Variants in THAP12 observed in about 807,000 individuals in gnomAD.
THAP12 encodes the protein 52 kDa repressor of the inhibitor of the protein kinase.
In THAP12, 20 loss-of-function variants were observed where a neutral mutation model predicts 63.0. The observed-to-expected ratio is 0.32, with a 90% CI of 0.22 to 0.46. The LOEUF (loss-of-function observed/expected upper bound fraction) is 0.46. Ranked by LOEUF, THAP12 falls within the 20% of genes least tolerant of loss-of-function variation. The pLI is 1.00. For synonymous variants in THAP12, 264 were observed against 328.4 expected (o/e 0.80, Z 2.12); for missense variants, 568 against 908.2 (o/e 0.63, Z 4.81).
intron 4 of THAP12, among the ~76,000 whole-genome samples, chr11:76,354,459 CA>C (rs1213239658): frequency 7.2e-5 from 11 of 152,130 alleles, no homozygotes; most frequent in Non-Finnish European, 1.2e-4. Flanking sequence ...TTATTTTTTT[CA>C]AAAAGAAGTT....
intron 2 of THAP12, chr11:76,364,221 C>T: frequency 5.7e-6 from 1 of 175,658 alleles, no homozygotes; most frequent in Non-Finnish European, 1.2e-5. Context: ...AAGTAGTTTG[C>T]CTTTTAAACA....
chr11:76,361,231 G>T, intron 2 of THAP12, 168 bp from the exon 3 acceptor site: 1 of 498,370 alleles, frequency 2.0e-6, no homozygotes, highest in South Asian at 3.4e-5. Context: ...TTCCAACTGT[G>T]CCTGCATTTG....
intron 1 of THAP12, among the ~76,000 whole-genome samples, chr11:76,367,086 T>C (rs577808213): frequency 3.3e-4 from 50 of 152,178 alleles, no homozygotes; most frequent in Non-Finnish European, 4.6e-4. Context: ...CTTTTCTTTT[T>C]TTTTTTTGAG....
rs1390884184 is a variant in THAP12 at position 76,372,442 on chromosome 11, A to G, written c.90-6470T>C. Among the ~76,000 whole-genome samples the G allele has an allele frequency of 2.0e-5, 3 of 151,790 alleles. No homozygotes were observed. In the East Asian group the frequency reaches 5.9e-4, roughly 30 times the overall value. ...AAAGAGAGAGAGAGACAGGGCCTCAATCTGTCGCCCAGGCTGTAGCACACT... is the reference window on the plus strand; with the variant it reads ...AAAGAGAGAGAGAGACAGGGCCTCAGTCTGTCGCCCAGGCTGTAGCACACT... On this transcript the variant is annotated intron_variant, in intron 1 of 4. Transcript: ENST00000260045.
chr11:76,362,814 CAG>C (rs774618250), intron 2 of THAP12, among the ~76,000 whole-genome samples: 8 of 151,986 alleles, frequency 5.3e-5, no homozygotes, highest in Non-Finnish European at 8.8e-5. Context: ...GATCAGAAAA[CAG>C]AATGTATGAA....
rs760590679 is a variant in THAP12, at chr11:76,351,023, C to T, written c.2127G>A (p.Arg709=). 5.6e-6 allele frequency: 9 copies of T among 1,611,960 alleles called. No homozygotes were observed. The highest frequency in any genetic ancestry group is 2.3e-4 in the Middle Eastern group (1 of 4,430). The part of the protein sequence containing the change: ...NGRKRLKAYL[R]NTLTDQRSSN... ...TTGACCTTTGGTCTGTCAAAGTGTT[C>T]CTCAAATATGCTTTAAGACGCTTTC... The change falls in exon 5 of 5, where the codon AGG becomes AGA. Residue 709 remains arginine, a synonymous_variant. Coordinates refer to ENST00000260045, the MANE Select transcript of THAP12 (RefSeq NM_004705.4).
intron 1 of THAP12, among the ~76,000 whole-genome samples, chr11:76,369,820 C>T (rs1205478511): frequency 6.6e-6 from 1 of 152,248 alleles, no homozygotes; most frequent in Admixed American, 6.5e-5. Context: ...CTCTGGGTGA[C>T]CCCCTCATGG....
At chr11:76,366,261 A>T (rs1479452357) in intron 1 of THAP12, among the ~76,000 whole-genome samples, 1 of 152,204 alleles carries the variant, frequency 6.6e-6, no homozygotes, top group African/African-American at 2.4e-5. Context: ...CTCCCAAAAC[A>T]TCAGAGAAGA....
intron 3 of THAP12, among the ~76,000 whole-genome samples, chr11:76,359,816 C>A (rs1464004805): frequency 6.8e-6 from 1 of 148,124 alleles, no homozygotes; most frequent in African/African-American, 2.5e-5. Context: ...GAGAGTGAGA[C>A]TCTGTCTCGG....
chr11:76,363,151 AT>A (rs1479581613), intron 2 of THAP12, among the ~76,000 whole-genome samples: 1 of 152,010 alleles, frequency 6.6e-6, no homozygotes, highest in Non-Finnish European at 1.5e-5. Flanking sequence ...TCAAAAAAAA[AT>A]AATAATAATA....
Position 76,351,601 on chromosome 11 carries a change from C to A in THAP12, c.1549G>T (p.Val517Leu), listed in dbSNP as rs751677865. 1 of 1,587,456 alleles carries A rather than the reference C, an allele frequency of 6.3e-7. No individual in the cohort carries two copies. The highest frequency in any genetic ancestry group is 8.6e-7 in the Non-Finnish European group (1 of 1,164,122). The change falls in exon 5 of 5, where the codon GTA (valine) becomes TTA (leucine). Residue 517 changes from valine to leucine, a missense_variant. Coordinates refer to ENST00000260045, the MANE Select transcript of THAP12 (RefSeq NM_004705.4). Reference protein sequence around the residue: ...VFFAAGSLTAVLHSLNEVMEN... With the variant: ...VFFAAGSLTALLHSLNEVMEN... ...ATCACTTCGTTGAGTGAATGCAGTA[C>A]TGCAGTCAAGCTACCGGCCGCAAAG...
In THAP12 at chr11:76,351,663, A is replaced by G; in HGVS notation, c.1487T>C (p.Phe496Ser). 1 of 1,581,246 alleles carries G rather than the reference A, an allele frequency of 6.3e-7. No homozygotes were observed. Among genetic ancestry groups the G allele is most frequent in the Non-Finnish European group, 8.6e-7 (1 of 1,163,676 alleles). The change falls in exon 5 of 5, where the codon TTT becomes TCT. Residue 496 changes from phenylalanine (F) to serine (S), a missense_variant. Phe to Ser is a radical substitution (Grantham distance 155, BLOSUM62 -2). Transcript: ENST00000260045. ...LKNVLSFTRA[F>S]GKNLQGQTSD... Reference sequence around the variant, plus strand: ...GGTTTGCCCCTGGAGGTTTTTCCCAAAGGCTCTTGTAAAAGATAGGACATT... The same window carrying G: ...GGTTTGCCCCTGGAGGTTTTTCCCAGAGGCTCTTGTAAAAGATAGGACATT...
At chr11:76,360,117 T>C (rs1393374092) in intron 3 of THAP12, among the ~76,000 whole-genome samples, 1 of 152,176 alleles carries the variant, frequency 6.6e-6, no homozygotes, top group Non-Finnish European at 1.5e-5. Context: ...AAAGTTATTA[T>C]AGATCCCTAC....
intron 1 of THAP12, among the ~76,000 whole-genome samples, chr11:76,376,354 G>A (rs1252544425): frequency 6.6e-6 from 1 of 152,178 alleles, no homozygotes; most frequent in Admixed American, 6.5e-5. Context: ...GGAGTCTAAC[G>A]TTGAAAAGGG....
At chr11:76,359,528 G>C (rs1467812222) in intron 3 of THAP12, 1 of 152,124 alleles carries the variant, frequency 6.6e-6, no homozygotes, top group Middle Eastern at 3.2e-3. Context: ...CTTGACAAAA[G>C]GACTTTCAAA....
rs1262079650 is a variant in THAP12, at chr11:76,351,523, C to T, written c.1627G>A (p.Ala543Thr). 1 of 1,555,366 alleles carries T rather than the reference C, an allele frequency of 6.4e-7. No homozygotes were observed. The highest frequency in any genetic ancestry group is 2.0e-5 in the Admixed American group (1 of 50,592). ...EFWFEEATNLATKLDIQMKLP... is the reference protein window; with the variant it reads ...EFWFEEATNLTTKLDIQMKLP... ...TTCATTTGAATATCAAGTTTGGTTG[C>T]CAAATTTGTGGCTTCCTCAAACCAA... The change falls in exon 5 of 5, where the codon GCA (alanine) becomes ACA (threonine). Residue 543 changes from alanine to threonine, a missense_variant. Physicochemically the swap from Ala to Thr is moderately conservative, Grantham distance 58 (BLOSUM62 0). Coordinates refer to ENST00000260045, the MANE Select transcript of THAP12 (RefSeq NM_004705.4).
rs7105766 is a variant in THAP12, at chr11:76,352,087, T to C, written c.1063A>G (p.Ile355Val). The C allele has an allele frequency of 0.032, 51,255 of 1,611,890 alleles. 1,206 individuals carry two copies. Among genetic ancestry groups the C allele is most frequent in the East Asian group, 0.093 (4,171 of 44,856 alleles). Reference sequence around the variant, plus strand: ...GCACAGGAAGAGCAGAGTGTGTAGATAGCTTGGGGATATTTCTCTAAAAGT... The same window carrying C: ...GCACAGGAAGAGCAGAGTGTGTAGACAGCTTGGGGATATTTCTCTAAAAGT... ...SRLLEKYPQA[I>V]YTLCSSCALN... The change falls in exon 5 of 5, where the codon ATC becomes GTC. Residue 355 changes from isoleucine to valine, a missense_variant. Coordinates refer to ENST00000260045, the MANE Select transcript of THAP12 (RefSeq NM_004705.4).
chr11:76,370,865 ATAAG>A (rs1332011811), intron 1 of THAP12, among the ~76,000 whole-genome samples: 1 of 150,332 alleles, frequency 6.7e-6, no homozygotes, highest in Non-Finnish European at 1.5e-5. Flanking sequence ...TATGACCACA[ATAAG>A]TGTTTTCACA....
chr11:76,372,754 C>T lies in THAP12; in HGVS notation c.90-6782G>A, dbSNP rs149425910. On this transcript the variant is annotated intron_variant, in intron 1 of 4. Transcript: ENST00000260045. ...TTAAAAAATTAGTCAAGTGTGGTGG[C>T]GTGCGCCTATGGTCCCCAGCTACTT... Among the ~76,000 whole-genome samples the T allele has an allele frequency of 1.9e-3, 287 of 152,108 alleles. 1 individual carries two copies. The highest frequency in any genetic ancestry group is 6.3e-3 in the African/African-American group (263 of 41,500).
Sources: allele counts gnomAD v4.1 joint callset (sites outside exome capture counted in the v4.1 genomes callset), GRCh38; gene constraint gnomAD v4.1.1; transcripts MANE v1.5; gene names NCBI Gene and HGNC (gene_info 2026-07-23, HGNC 2026-07-21).